B4GALT5: variants seen among roughly 807,000 people sequenced by gnomAD.
B4GALT5 encodes UDP-Gal:beta-GlcNAc beta-1,4-galactosyltransferase 5.
Under a neutral mutation model 45.0 loss-of-function variants are expected in B4GALT5, and 11 were observed. The observed-to-expected ratio is 0.24, with a 90% CI of 0.15 to 0.40. The LOEUF (loss-of-function observed/expected upper bound fraction) is 0.40, where lower values mean the gene tolerates loss of function less well. B4GALT5 is among the 10% of genes least tolerant of loss of function. B4GALT5 has a pLI of 1.00. For missense variants in B4GALT5, 337 were observed against 500.2 expected, an observed-to-expected ratio of 0.67 and a Z score of 3.11; for synonymous variants, 185 against 182.9, an observed-to-expected ratio of 1.01 and a Z score of -0.09.
At chr20:49,713,146 G>A (rs2085925659) in intron 1 of B4GALT5, among the ~76,000 whole-genome samples, 1 of 151,846 alleles carries the variant, frequency 6.6e-6, no homozygotes, top group South Asian at 2.1e-4. Context: ...GGCGAAGAGC[G>A]GGCGCGCCGC....
At chr20:49,693,085 G>GT (rs1465741971) in intron 1 of B4GALT5, among the ~76,000 whole-genome samples, 1 of 152,180 alleles carries the variant, frequency 6.6e-6, no homozygotes, top group South Asian at 2.1e-4. Flanking sequence ...GCCAAGGGGT[G>GT]TAATAGGCTA....
chr20:49,682,026 G>T (rs2085766079), intron 1 of B4GALT5, among the ~76,000 whole-genome samples: 1 of 152,212 alleles, frequency 6.6e-6, no homozygotes, highest in African/African-American at 2.4e-5. Flanking sequence ...AGCCTTTGAG[G>T]TTGAGGTTGT....
At chr20:49,643,253 T>A (rs1168174178) in intron 4 of B4GALT5, among the ~76,000 whole-genome samples, 1 of 152,194 alleles carries the variant, frequency 6.6e-6, no homozygotes, top group African/African-American at 2.4e-5. Flanking sequence ...AAATGGGTCA[T>A]TAGAGACCAC....
chr20:49,657,794 T>C (rs2085649352), intron 1 of B4GALT5, among the ~76,000 whole-genome samples: 1 of 152,196 alleles, frequency 6.6e-6, no homozygotes, highest in South Asian at 2.1e-4. Flanking sequence ...TTCATCACTA[T>C]TAAAGCAGTA....
chr20:49,645,251 A>T (rs1159276448), intron 3 of B4GALT5, among the ~76,000 whole-genome samples: 3 of 152,006 alleles, frequency 2.0e-5, no homozygotes, highest in African/African-American at 7.2e-5. Context: ...TACTAAAAAG[A>T]CAAAGCTGAC....
chr20:49,645,378 C>T (rs966242465), intron 3 of B4GALT5, among the ~76,000 whole-genome samples: 4 of 152,182 alleles, frequency 2.6e-5, no homozygotes, highest in Non-Finnish European at 5.9e-5. Context: ...ACATAGCTGC[C>T]ATAGCATTGT....
At chr20:49,656,506 C>A (rs2085643537) in intron 2 of B4GALT5, 62 bp downstream of exon 2, 1 of 1,585,722 alleles carries the variant, frequency 6.3e-7, no homozygotes, top group Non-Finnish European at 8.6e-7. Context: ...ATTATTGCAA[C>A]CGAATTTACC....
At chr20:49,662,787 C>G (rs534370109) in intron 1 of B4GALT5, among the ~76,000 whole-genome samples, 7 of 152,204 alleles carry the variant, frequency 4.6e-5, no homozygotes, top group Admixed American at 4.6e-4. Context: ...TACTATAATG[C>G]ACAAGTTTAT....
intron 1 of B4GALT5, among the ~76,000 whole-genome samples, chr20:49,673,557 T>C (rs2085724706): frequency 2.0e-5 from 3 of 152,106 alleles, no homozygotes; most frequent in Admixed American, 2.0e-4. Flanking sequence ...TAATATGTTA[T>C]TTTGGGGATG....
Position 49,670,261 on chromosome 20 carries a change from G to C in B4GALT5, c.116-13559C>G, listed in dbSNP as rs2085710155. Among the ~76,000 whole-genome samples the C allele has an allele frequency of 2.0e-5, 3 of 152,030 alleles. No individual in the cohort carries two copies. In the South Asian group the frequency reaches 6.2e-4, roughly 32 times the overall value. On this transcript the variant is annotated intron_variant, in intron 1 of 8. Coordinates refer to ENST00000371711, the MANE Select transcript of B4GALT5 (RefSeq NM_004776.4). ...TAGACTATCACATTTTTAACAACAT[G>C]AAAAAAGTTCTGCTATATCTTGACA... is the stretch of plus-strand genomic sequence containing the variant.
chr20:49,712,431 T>A (rs2085917195), intron 1 of B4GALT5, among the ~76,000 whole-genome samples: 1 of 146,160 alleles, frequency 6.8e-6, no homozygotes, highest in African/African-American at 2.5e-5. Flanking sequence ...ACTGGTGCCC[T>A]GTGGTCTTAT....
intron 1 of B4GALT5, among the ~76,000 whole-genome samples, chr20:49,672,312 T>G (rs886133599): frequency 8.5e-5 from 13 of 152,174 alleles, no homozygotes; most frequent in African/African-American, 3.1e-4. Context: ...CTGTCAAACA[T>G]AGGAAATCAG....
At chr20:49,684,339 G>A (rs2085776594) in intron 1 of B4GALT5, among the ~76,000 whole-genome samples, 1 of 152,108 alleles carries the variant, frequency 6.6e-6, no homozygotes, top group Non-Finnish European at 1.5e-5. Context: ...GAGGCAGGCG[G>A]ATCACAAGGT....
At chr20:49,648,175 G>C (rs1164818444) in intron 2 of B4GALT5, among the ~76,000 whole-genome samples, 1 of 151,934 alleles carries the variant, frequency 6.6e-6, no homozygotes, top group Non-Finnish European at 1.5e-5. Flanking sequence ...CTTTTCTCCT[G>C]GTCTGACCAG....
intron 1 of B4GALT5, among the ~76,000 whole-genome samples, chr20:49,691,338 G>A (rs2085810653): frequency 6.6e-6 from 1 of 152,060 alleles, no homozygotes; most frequent in South Asian, 2.1e-4. Flanking sequence ...GCAACATAGT[G>A]AGGCCCTGTC....
intron 1 of B4GALT5, among the ~76,000 whole-genome samples, chr20:49,706,490 A>G (rs2085884507): frequency 6.6e-6 from 1 of 152,222 alleles, no homozygotes; most frequent in Admixed American, 6.5e-5. Flanking sequence ...AAAGTTTAGA[A>G]TTCAAAGATC....
chr20:49,641,428 C>T (rs887137482), intron 5 of B4GALT5, among the ~76,000 whole-genome samples: 13 of 152,284 alleles, frequency 8.5e-5, no homozygotes, highest in African/African-American at 2.9e-4. Flanking sequence ...ACTGAGCATG[C>T]CAGGGACTCA....
intron 1 of B4GALT5, among the ~76,000 whole-genome samples, chr20:49,709,414 T>C (rs967736267): frequency 2.4e-4 from 37 of 152,204 alleles, no homozygotes; most frequent in African/African-American, 8.4e-4. Flanking sequence ...TCTCTCACTT[T>C]CTGTCCCAAC....
intron 1 of B4GALT5, among the ~76,000 whole-genome samples, chr20:49,682,286 G>C (rs1649957431): frequency 6.6e-6 from 1 of 152,328 alleles, no homozygotes; most frequent in Non-Finnish European, 1.5e-5. Context: ...GCCTACTACT[G>C]CTTCGGCATT....
Sources: allele counts gnomAD v4.1 joint callset (sites outside exome capture counted in the v4.1 genomes callset), GRCh38; gene constraint gnomAD v4.1.1; transcripts MANE v1.5; gene names NCBI Gene and HGNC (gene_info 2026-07-23, HGNC 2026-07-21).